Variants in RSRC1 observed in about 807,000 individuals in gnomAD.
RSRC1 encodes the protein serine/Arginine-related protein 53.
In RSRC1, 39 loss-of-function variants were observed where a neutral mutation model predicts 49.1. The observed-to-expected ratio is 0.79, with a 90% CI of 0.61 to 1.04. The LOEUF (loss-of-function observed/expected upper bound fraction) is 1.04, where lower values mean the gene tolerates loss of function less well. Among genes scored for constraint, RSRC1 ranks in the 50% least tolerant of loss-of-function variants. The pLI is 0.00. For synonymous variants in RSRC1, 143 were observed against 130.8 expected, an observed-to-expected ratio of 1.09 and a Z score of -0.63; for missense variants, 388 against 402.4, an observed-to-expected ratio of 0.96 and a Z score of 0.31.
chr3:158,323,363 G>A (rs149057297), intron 5 of RSRC1, among the ~76,000 whole-genome samples: 4 of 152,120 alleles, frequency 2.6e-5, no homozygotes, highest in Non-Finnish European at 4.4e-5. Context: ...GGTCGAATAC[G>A]TCAGGGCAGG....
intron 7 of RSRC1, among the ~76,000 whole-genome samples, chr3:158,465,233 G>GT (rs904122430): frequency 4.6e-5 from 7 of 152,106 alleles, no homozygotes; most frequent in Non-Finnish European, 8.8e-5. Flanking sequence ...TACTCATAGT[G>GT]TGTCCTCCAC....
At chr3:158,283,411 T>C (rs1208199789) in intron 4 of RSRC1, among the ~76,000 whole-genome samples, 1 of 152,210 alleles carries the variant, frequency 6.6e-6, no homozygotes, top group Non-Finnish European at 1.5e-5. Flanking sequence ...AAATACTGTT[T>C]ACTTTTCAGT....
chr3:158,331,503 A>G (rs1729543008), intron 5 of RSRC1, among the ~76,000 whole-genome samples: 1 of 152,060 alleles, frequency 6.6e-6, no homozygotes, highest in Non-Finnish European at 1.5e-5. Flanking sequence ...TTTTATATAA[A>G]ATTGAATATT....
At chr3:158,185,140 C>T (rs1468153149) in intron 3 of RSRC1, among the ~76,000 whole-genome samples, 1 of 151,736 alleles carries the variant, frequency 6.6e-6, no homozygotes, top group Admixed American at 6.6e-5. Flanking sequence ...AAATAAGCTA[C>T]CAGAATCAAA....
At chr3:158,376,847 C>G (rs1732403745) in intron 6 of RSRC1, among the ~76,000 whole-genome samples, 1 of 110,960 alleles carries the variant, frequency 9.0e-6, no homozygotes, top group East Asian at 2.2e-4. Flanking sequence ...TATATGATTT[C>G]AATTCTTTTA....
At chr3:158,305,301 A>G (rs1264383884) in intron 5 of RSRC1, among the ~76,000 whole-genome samples, 1 of 152,094 alleles carries the variant, frequency 6.6e-6, no homozygotes, top group East Asian at 1.9e-4. Context: ...TATTGTTGAT[A>G]GTCTCAGAAT....
chr3:158,192,071 C>T (rs1578181055), intron 3 of RSRC1, among the ~76,000 whole-genome samples: 3 of 151,744 alleles, frequency 2.0e-5, no homozygotes, highest in South Asian at 4.2e-4. Context: ...TTTTTTCACA[C>T]GTATTTTCTT....
intron 3 of RSRC1, among the ~76,000 whole-genome samples, chr3:158,168,069 T>C (rs1334101096): frequency 6.6e-6 from 1 of 152,224 alleles, no homozygotes; most frequent in Non-Finnish European, 1.5e-5. Flanking sequence ...ATGCCTGTTT[T>C]TGTAAATAAA....
chr3:158,317,272 A>G (rs1412216956), intron 5 of RSRC1, among the ~76,000 whole-genome samples: 5 of 152,216 alleles, frequency 3.3e-5, no homozygotes, highest in Admixed American at 3.3e-4. Flanking sequence ...TCTGTCCTCC[A>G]GGCTGGAGTA....
chr3:158,507,625 C>T (rs1739918389), intron 7 of RSRC1, among the ~76,000 whole-genome samples: 1 of 151,894 alleles, frequency 6.6e-6, no homozygotes, highest in South Asian at 2.1e-4. Flanking sequence ...AAGTTGATGG[C>T]CTGTCTTATG....
intron 7 of RSRC1, among the ~76,000 whole-genome samples, chr3:158,490,707 T>C (rs113195057): frequency 7.2e-4 from 110 of 152,298 alleles, no homozygotes; most frequent in African/African-American, 2.6e-3. Context: ...TGAGAACATA[T>C]GTGATAGATC....
intron 3 of RSRC1, among the ~76,000 whole-genome samples, chr3:158,178,285 C>A (rs1194467250): frequency 6.6e-6 from 1 of 152,040 alleles, no homozygotes; most frequent in Non-Finnish European, 1.5e-5. Context: ...ACTACAGGTG[C>A]ATGCCACCAC....
chr3:158,286,152 C>T (rs79282447), intron 4 of RSRC1, among the ~76,000 whole-genome samples: 4,045 of 152,232 alleles, frequency 0.027, 162 homozygotes, highest in African/African-American at 0.093. Flanking sequence ...AAATCCTCAT[C>T]GCTTTGCTGC....
chr3:158,269,928 A>G (rs1725408791), intron 4 of RSRC1, among the ~76,000 whole-genome samples: 3 of 152,196 alleles, frequency 2.0e-5, no homozygotes, highest in Admixed American at 1.3e-4. Flanking sequence ...TAATTTATGA[A>G]GAACTTCTTT....
intron 7 of RSRC1, among the ~76,000 whole-genome samples, chr3:158,518,123 T>C (rs1313236874): frequency 1.6e-4 from 9 of 56,410 alleles, no homozygotes; most frequent in South Asian, 6.5e-4. Flanking sequence ...TGTGTGTGTG[T>C]GTGTATATAT....
rs530340782 is a variant in RSRC1, at chr3:158,198,540, AG to A, written c.321-4531del. 1.1e-4 allele frequency among the ~76,000 whole-genome samples: 16 copies of A among 152,220 alleles called. No homozygotes were observed. The South Asian group carries it at 2.7e-3, about 26-fold the overall frequency. Reference sequence around the variant, plus strand: ...AATTTGATCCTGTCATTATGATGTTAGCTGGTTATTTTGCTCGTTAGTTGAT... The same window carrying A: ...AATTTGATCCTGTCATTATGATGTTACTGGTTATTTTGCTCGTTAGTTGAT... On this transcript the variant is annotated intron_variant, in intron 3 of 9. Coordinates refer to ENST00000611884, the MANE Select transcript of RSRC1 (RefSeq NM_001271838.2).
At chr3:158,282,312 GT>G (rs1726229257) in intron 4 of RSRC1, among the ~76,000 whole-genome samples, 1 of 152,194 alleles carries the variant, frequency 6.6e-6, no homozygotes, top group South Asian at 2.1e-4. Context: ...GATGTGGCCT[GT>G]TTTATGTGAC....
chr3:158,512,044 G>A (rs202088199), intron 7 of RSRC1, among the ~76,000 whole-genome samples: 54,274 of 122,876 alleles, frequency 0.44, 11,198 homozygotes, highest in African/African-American at 0.55. Flanking sequence ...AGTAGGTTGC[G>A]AAAATTTTCT....
intron 5 of RSRC1, among the ~76,000 whole-genome samples, chr3:158,340,215 G>C (rs1428577990): frequency 6.6e-6 from 1 of 152,046 alleles, no homozygotes; most frequent in African/African-American, 2.4e-5. Flanking sequence ...ACTTTATCAG[G>C]GGTTTCTGCT....
Sources: allele counts gnomAD v4.1 joint callset (sites outside exome capture counted in the v4.1 genomes callset), GRCh38; gene constraint gnomAD v4.1.1; transcripts MANE v1.5; gene names NCBI Gene and HGNC (gene_info 2026-07-23, HGNC 2026-07-21).